ZCCHC7: variants seen among roughly 807,000 people sequenced by gnomAD.
ZCCHC7 encodes the protein zinc finger CCHC-type containing 7.
A neutral mutation model predicts 52.0 loss-of-function variants in ZCCHC7; 35 were observed. That is an observed-to-expected ratio of 0.67 (90% CI 0.51 to 0.89). ZCCHC7 has a LOEUF of 0.89. Among genes scored for constraint, ZCCHC7 ranks in the 40% least tolerant of loss-of-function variants. The pLI is 0.00. For synonymous variants in ZCCHC7, 217 were observed against 221.5 expected (o/e 0.98, Z 0.18); for missense variants, 574 against 649.1 (o/e 0.88, Z 1.26).
At chr9:37,309,134 G>A (rs976958768) in intron 5 of ZCCHC7, among the ~76,000 whole-genome samples, 2 of 152,044 alleles carry the variant, frequency 1.3e-5, no homozygotes, top group African/African-American at 2.4e-5. Flanking sequence ...ATTACATGGC[G>A]AAGGTTCTGG....
At chr9:37,168,668 CAGGA>C (rs1821560578) in intron 2 of ZCCHC7, among the ~76,000 whole-genome samples, 1 of 152,126 alleles carries the variant, frequency 6.6e-6, no homozygotes, top group South Asian at 2.1e-4. Flanking sequence ...AGAGCCGAGG[CAGGA>C]GGATTGCTTG....
intron 2 of ZCCHC7, among the ~76,000 whole-genome samples, chr9:37,200,262 G>A (rs1211379980): frequency 6.7e-6 from 1 of 149,978 alleles, no homozygotes; most frequent in Non-Finnish European, 1.5e-5. Context: ...ACTCTTCACT[G>A]TGTATCATTA....
intron 2 of ZCCHC7, among the ~76,000 whole-genome samples, chr9:37,133,335 C>T (rs932325974): frequency 2.0e-5 from 3 of 150,812 alleles, no homozygotes; most frequent in African/African-American, 4.9e-5. Context: ...AAAATATACA[C>T]GTTAAGTAGA....
intron 2 of ZCCHC7, among the ~76,000 whole-genome samples, chr9:37,269,791 A>G (rs947024342): frequency 1.3e-5 from 2 of 152,168 alleles, no homozygotes; most frequent in Non-Finnish European, 2.9e-5. Context: ...GATGAGGAAG[A>G]GAAAAACAAC....
At chr9:37,304,418 C>G in intron 4 of ZCCHC7, 105 bp downstream of exon 4, 1 of 1,365,510 alleles carries the variant, frequency 7.3e-7, no homozygotes, top group African/African-American at 1.5e-5. Context: ...CTTTGGGAAG[C>G]CGAGGCAGGT....
rs1013634029 is a variant in ZCCHC7 at position 37,300,432 on chromosome 9, A to G, written c.611-1756A>G. ...TAGCATGGATGGTTGATGAAGGAATAGAAGCTGCTGCTATTTAATGTATTC... is the reference window on the plus strand; with the variant it reads ...TAGCATGGATGGTTGATGAAGGAATGGAAGCTGCTGCTATTTAATGTATTC... On this transcript the variant is annotated intron_variant, in intron 2 of 8. Transcript: ENST00000336755. Among the ~76,000 whole-genome samples the G allele has an allele frequency of 1.5e-4, 23 of 152,248 alleles. 1 individual carries two copies. Among genetic ancestry groups the G allele is most frequent in the African/African-American group, 2.4e-5 (1 of 41,466 alleles).
At chr9:37,317,967 C>T (rs1399625589) in intron 5 of ZCCHC7, among the ~76,000 whole-genome samples, 1 of 151,578 alleles carries the variant, frequency 6.6e-6, no homozygotes, top group Non-Finnish European at 1.5e-5. Flanking sequence ...ATAAAAAGCT[C>T]TTACAAATCA....
intron 6 of ZCCHC7, among the ~76,000 whole-genome samples, chr9:37,346,126 C>T (rs542959389): frequency 1.2e-3 from 186 of 152,134 alleles, no homozygotes; most frequent in Non-Finnish European, 2.2e-3. Context: ...CCTCAGCCTC[C>T]TGAGTAGCTG....
chr9:37,227,582 C>T (rs1156951484), intron 2 of ZCCHC7, among the ~76,000 whole-genome samples: 1 of 152,110 alleles, frequency 6.6e-6, no homozygotes, highest in Non-Finnish European at 1.5e-5. Context: ...AGTTCCATTC[C>T]CAGGTATTTA....
At chr9:37,153,176 AT>A (rs1261484253) in intron 2 of ZCCHC7, among the ~76,000 whole-genome samples, 4 of 151,026 alleles carry the variant, frequency 2.6e-5, no homozygotes, top group African/African-American at 9.8e-5. Flanking sequence ...TGATTGATTG[AT>A]TGATTGATTT....
At chr9:37,305,848 TATAG>T (rs1333705261) in intron 5 of ZCCHC7, 134 bp downstream of exon 5, 2 of 703,744 alleles carry the variant, frequency 2.8e-6, no homozygotes, top group East Asian at 6.0e-5. Context: ...TATATATATA[TATAG>T]TCATGTCCAT....
chr9:37,317,719 G>A (rs575504754), intron 5 of ZCCHC7, among the ~76,000 whole-genome samples: 2 of 152,072 alleles, frequency 1.3e-5, no homozygotes, highest in East Asian at 3.9e-4. Flanking sequence ...GAGCAAGAAA[G>A]TATAAAAAAC....
chr9:37,263,063 A>T (rs1250424049), intron 2 of ZCCHC7, among the ~76,000 whole-genome samples: 1 of 152,182 alleles, frequency 6.6e-6, no homozygotes, highest in African/African-American at 2.4e-5. Flanking sequence ...TACTGTTAAT[A>T]ATTCATGTTG....
chr9:37,300,435 A>G (rs1272857509), intron 2 of ZCCHC7, among the ~76,000 whole-genome samples: 1 of 152,248 alleles, frequency 6.6e-6, no homozygotes, highest in East Asian at 1.9e-4. Flanking sequence ...AAGGAATAGA[A>G]GCTGCTGCTA....
At chr9:37,184,082 CAAAT>C (rs747449662) in intron 2 of ZCCHC7, among the ~76,000 whole-genome samples, 2 of 152,162 alleles carry the variant, frequency 1.3e-5, no homozygotes, top group Admixed American at 1.3e-4. Flanking sequence ...AAGAGATACT[CAAAT>C]AAGTCTTTCA....
At chr9:37,145,052 AT>A (rs1843379564) in intron 2 of ZCCHC7, 2 of 152,018 alleles carry the variant, frequency 1.3e-5, no homozygotes, top group Non-Finnish European at 2.9e-5. Context: ...AATGTAAGCC[AT>A]TGTGTACTTA....
chr9:37,256,748 C>T (rs1369127933), intron 2 of ZCCHC7, among the ~76,000 whole-genome samples: 3 of 152,002 alleles, frequency 2.0e-5, no homozygotes, highest in Non-Finnish European at 2.9e-5. Context: ...ATTTACTGTC[C>T]AAGAGAGACC....
intron 2 of ZCCHC7, among the ~76,000 whole-genome samples, chr9:37,193,480 A>G (rs1030212841): frequency 2.6e-5 from 4 of 152,160 alleles, no homozygotes; most frequent in Non-Finnish European, 4.4e-5. Flanking sequence ...TAATTATCCC[A>G]TATTTTGTAT....
intron 2 of ZCCHC7, among the ~76,000 whole-genome samples, chr9:37,287,375 C>T (rs1283243030): frequency 6.6e-6 from 1 of 152,042 alleles, no homozygotes; most frequent in African/African-American, 2.4e-5. Context: ...TTCCTTTTAA[C>T]ATAAAGTTGT....
Sources: allele counts gnomAD v4.1 joint callset (sites outside exome capture counted in the v4.1 genomes callset), GRCh38; gene constraint gnomAD v4.1.1; transcripts MANE v1.5; gene names NCBI Gene and HGNC (gene_info 2026-07-23, HGNC 2026-07-21).